Variants in JAK1 observed in about 807,000 individuals in gnomAD.
The protein encoded by JAK1 is Janus kinase 1.
JAK1 carries 16 observed loss-of-function variants against 136.6 expected under a neutral mutation model. The observed-to-expected ratio is 0.12, with a 90% CI of 0.08 to 0.18. The LOEUF (loss-of-function observed/expected upper bound fraction) is 0.18, where lower values mean the gene tolerates loss of function less well. Among genes scored for constraint, JAK1 ranks in the 10% least tolerant of loss-of-function variants. JAK1 has a pLI of 1.00. For missense variants in JAK1, 859 were observed against 1,450.1 expected (o/e 0.59, Z 6.62); for synonymous variants, 492 against 519.5 (o/e 0.95, Z 0.72).
At chr1:65,056,647 G>A (rs1448984917) in intron 1 of JAK1, among the ~76,000 whole-genome samples, 3 of 152,188 alleles carry the variant, frequency 2.0e-5, no homozygotes, top group East Asian at 3.8e-4. Flanking sequence ...ACGAGGCCGG[G>A]TGCAGTGGCT....
chr1:64,885,853 G>C (rs1295761963), intron 2 of JAK1, among the ~76,000 whole-genome samples: 1 of 152,028 alleles, frequency 6.6e-6, no homozygotes, highest in Admixed American at 6.6e-5. Context: ...CTGTCAAAAA[G>C]GATAACATAA....
chr1:64,930,151 T>C (rs866568563), intron 1 of JAK1, among the ~76,000 whole-genome samples: 4 of 152,024 alleles, frequency 2.6e-5, no homozygotes, highest in African/African-American at 9.7e-5. Context: ...AATTGACAAA[T>C]GGGATCTAAT....
chr1:65,030,436 G>A (rs1489905256), intron 2 of JAK1, among the ~76,000 whole-genome samples: 2 of 152,174 alleles, frequency 1.3e-5, no homozygotes, highest in Non-Finnish European at 1.5e-5. Context: ...ATTAATAAAT[G>A]GGAGGATAGA....
In JAK1 at chr1:64,924,014, C is replaced by T. The variant is rs560633178; in HGVS notation, c.-77-37673G>A. ...TATTTCAATAGTAATTGCTCTGTCA[C>T]GAGTACATCAGAAGACATAATGAAG... On this transcript the variant is annotated intron_variant, in intron 1 of 24. Transcript: ENST00000342505. 9.9e-5 allele frequency among the ~76,000 whole-genome samples: 15 copies of T among 152,256 alleles called. No homozygotes were observed. In the South Asian group the frequency reaches 2.9e-3, roughly 29 times the overall value.
At chr1:64,870,244 G>A (rs1161661774) in intron 5 of JAK1, among the ~76,000 whole-genome samples, 1 of 151,996 alleles carries the variant, frequency 6.6e-6, no homozygotes, top group Admixed American at 6.6e-5. Flanking sequence ...TGTTAACATC[G>A]TCATCTCCAA....
chr1:64,919,396 T>C (rs1412195844), intron 1 of JAK1, among the ~76,000 whole-genome samples: 1 of 152,212 alleles, frequency 6.6e-6, no homozygotes, highest in Non-Finnish European at 1.5e-5. Flanking sequence ...TGTGCCACAG[T>C]TTCTTAATCC....
intron 12 of JAK1, 147 bp downstream of exon 12, chr1:64,850,657 A>G: frequency 1.6e-6 from 1 of 643,514 alleles, no homozygotes. Flanking sequence ...CAATGGTTGT[A>G]CGGCTTTTGC....
chr1:64,844,038 TCA>T lies in JAK1; in HGVS notation c.2403+24_2403+25del. ...GAGCACCTGAAAGCCCTCACTTGCC[TCA>T]CGCCCCGGGAAACACCTGCTCACCT... On this transcript the variant is annotated intron_variant, in intron 17 of 24. Transcript: ENST00000342505. This position sits in a 1 kb window ranked among gnomAD's most constrained non-coding sequence, Gnocchi z 5.7. 1 of 1,612,504 alleles carries T rather than the reference TCA, an allele frequency of 6.2e-7. No individual in the cohort carries two copies. The highest frequency in any genetic ancestry group is 8.5e-7 in the Non-Finnish European group (1 of 1,179,478).
At chr1:64,952,248 A>T (rs1646104982) in intron 1 of JAK1, among the ~76,000 whole-genome samples, 1 of 152,216 alleles carries the variant, frequency 6.6e-6, no homozygotes, top group Non-Finnish European at 1.5e-5. Context: ...GGTGGTGCCT[A>T]GAGGCCTTAT....
chr1:65,037,553 T>C (rs138323046), intron 2 of JAK1, among the ~76,000 whole-genome samples: 20 of 152,334 alleles, frequency 1.3e-4, no homozygotes, highest in African/African-American at 4.8e-4. Context: ...TCAATAAGTA[T>C]AGATTTTCAT....
intron 4 of JAK1, among the ~76,000 whole-genome samples, 191 bp downstream of exon 4, chr1:64,878,834 A>G (rs188437443): frequency 6.6e-6 from 1 of 152,264 alleles, no homozygotes; most frequent in East Asian, 1.9e-4. Flanking sequence ...TGGCAGAGGA[A>G]GGTGATCAAA....
chr1:64,925,515 T>C (rs569970940), intron 1 of JAK1, among the ~76,000 whole-genome samples: 1 of 152,286 alleles, frequency 6.6e-6, no homozygotes, highest in South Asian at 2.1e-4. Flanking sequence ...CCACAGAGCC[T>C]GGGAATGACT....
At chr1:64,997,599 G>A (rs1646715005) in intron 2 of JAK1, among the ~76,000 whole-genome samples, 1 of 152,104 alleles carries the variant, frequency 6.6e-6, no homozygotes, top group Admixed American at 6.6e-5. Flanking sequence ...ATTAGCTTTG[G>A]GTATGAGAGA....
intron 1 of JAK1, among the ~76,000 whole-genome samples, chr1:64,963,902 C>T (rs1646328502): frequency 6.6e-6 from 1 of 152,146 alleles, no homozygotes; most frequent in African/African-American, 2.4e-5. Flanking sequence ...CATCCCTAGC[C>T]TCTAACCACT....
At chr1:64,841,667 C>T (rs1325740393) in intron 17 of JAK1, 66 bp from the exon 18 acceptor site, 1 of 1,561,014 alleles carries the variant, frequency 6.4e-7, no homozygotes, top group African/African-American at 1.4e-5. Flanking sequence ...AGCCCCAGGT[C>T]AGGTGGAATT....
chr1:65,051,957 T>C (rs1647296594), intron 1 of JAK1, among the ~76,000 whole-genome samples: 1 of 152,068 alleles, frequency 6.6e-6, no homozygotes, highest in African/African-American at 2.4e-5. Flanking sequence ...CCATACCTGC[T>C]TGCTTATTTG....
intron 17 of JAK1, among the ~76,000 whole-genome samples, chr1:64,843,740 G>C (rs1221065820): frequency 6.6e-6 from 1 of 152,002 alleles, no homozygotes; most frequent in African/African-American, 2.4e-5. Context: ...TAATTTTGCT[G>C]AATAACAGGC....
At chr1:64,913,301 A>T (rs990195980) in intron 1 of JAK1, among the ~76,000 whole-genome samples, 2 of 152,178 alleles carry the variant, frequency 1.3e-5, no homozygotes, top group African/African-American at 4.8e-5. Flanking sequence ...ACTATTCATA[A>T]CTATGCTGGG....
chr1:64,975,117 C>A (rs1200857299), intron 2 of JAK1, among the ~76,000 whole-genome samples: 4 of 151,194 alleles, frequency 2.6e-5, no homozygotes, highest in Non-Finnish European at 5.9e-5. Flanking sequence ...AATCAGGGAT[C>A]TCACTACATT....
Sources: gnomAD v4.1 joint callset for allele counts (sites outside exome capture counted in the v4.1 genomes callset) on GRCh38, gnomAD v4.1.1 for gene constraint, Gnocchi (gnomAD v3.1) non-coding constraint, MANE v1.5 for transcripts, NCBI Gene and HGNC (gene_info 2026-07-23, HGNC 2026-07-21) for gene names.